Variants in PTK2 observed in about 807,000 individuals in gnomAD.
The protein encoded by PTK2 is focal adhesion kinase 1.
PTK2 carries 45 observed loss-of-function variants against 150.1 expected under a neutral mutation model. The observed-to-expected ratio is 0.30, with a 90% confidence interval of 0.24 to 0.38. The LOEUF is 0.38. PTK2 is among the 10% of genes least tolerant of loss of function. The pLI, the probability that PTK2 is intolerant of heterozygous loss-of-function variation, is 1.00. For synonymous variants in PTK2, 432 were observed against 449.2 expected, an observed-to-expected ratio of 0.96 and a Z score of 0.48; for missense variants, 919 against 1,307.3, an observed-to-expected ratio of 0.70 and a Z score of 4.58.
chr8:140,913,842 G>A (rs2100164161), intron 2 of PTK2, among the ~76,000 whole-genome samples: 1 of 152,136 alleles, frequency 6.6e-6, no homozygotes, highest in Admixed American at 6.5e-5. Context: ...CTTATAAACT[G>A]CTGAGACTTC....
chr8:140,852,041 AT>A (rs975193303), intron 5 of PTK2, among the ~76,000 whole-genome samples: 3 of 152,038 alleles, frequency 2.0e-5, no homozygotes, highest in African/African-American at 4.8e-5. Context: ...TATTTCTTGG[AT>A]TTTTTTCATG....
At chr8:140,863,455 C>T (rs1328508309) in intron 5 of PTK2, among the ~76,000 whole-genome samples, 1 of 152,178 alleles carries the variant, frequency 6.6e-6, no homozygotes, top group African/African-American at 2.4e-5. Flanking sequence ...ACCTAAACCC[C>T]TGTTTACATA....
chr8:140,862,700 C>T (rs2154605754), intron 5 of PTK2, among the ~76,000 whole-genome samples: 1 of 152,236 alleles, frequency 6.6e-6, no homozygotes, highest in African/African-American at 2.4e-5. Context: ...TAAGCAGTGG[C>T]ATAAGATTTT....
chr8:140,995,620 G>C (rs182890234), intron 1 of PTK2, among the ~76,000 whole-genome samples: 1 of 151,552 alleles, frequency 6.6e-6, no homozygotes, highest in Admixed American at 6.6e-5. Flanking sequence ...TGCGGAACAC[G>C]GCAAAACCCC....
At chr8:140,690,294 C>G (rs2100022370) in intron 26 of PTK2, among the ~76,000 whole-genome samples, 1 of 152,134 alleles carries the variant, frequency 6.6e-6, no homozygotes, top group Non-Finnish European at 1.5e-5. Context: ...ATCTGCCGCC[C>G]AGGTCAGAGT....
At chr8:140,827,549 G>C (rs975219300) in intron 8 of PTK2, among the ~76,000 whole-genome samples, 2 of 152,056 alleles carry the variant, frequency 1.3e-5, no homozygotes, top group Non-Finnish European at 2.9e-5. Context: ...TTTTAGGGGG[G>C]TGGGGATGGA....
intron 3 of PTK2, among the ~76,000 whole-genome samples, chr8:140,884,232 A>C (rs1172997373): frequency 6.6e-6 from 1 of 152,096 alleles, no homozygotes; most frequent in Non-Finnish European, 1.5e-5. Context: ...TCACTACCTC[A>C]ATCACTATCT....
intron 1 of PTK2, among the ~76,000 whole-genome samples, chr8:140,995,539 T>C (rs1170529691): frequency 6.6e-6 from 1 of 151,968 alleles, no homozygotes; most frequent in African/African-American, 2.4e-5. Flanking sequence ...GGCACAGTGG[T>C]GATGCCTGTA....
chr8:140,927,958 G>GAAAAAAAAAAAAAAAA (rs57931737), intron 1 of PTK2, among the ~76,000 whole-genome samples: 8 of 63,638 alleles, frequency 1.3e-4, no homozygotes, highest in Non-Finnish European at 1.3e-4. Context: ...AAAAAAAAAA[G>GAAAAAAAAAAAAAAAA]AAAAAAAAAA....
intron 1 of PTK2, among the ~76,000 whole-genome samples, chr8:140,958,597 G>A (rs1375511090): frequency 1.3e-5 from 2 of 152,148 alleles, no homozygotes; most frequent in Non-Finnish European, 2.9e-5. Context: ...CACTAGTCAC[G>A]TGCTAAGGAG....
At chr8:140,938,523 G>T (rs2100174516) in intron 1 of PTK2, among the ~76,000 whole-genome samples, 1 of 152,158 alleles carries the variant, frequency 6.6e-6, no homozygotes, top group Admixed American at 6.5e-5. Flanking sequence ...GCTCTAGACT[G>T]ATCACCCTGG....
chr8:140,669,301 GTATATATATATATATATATATATA>G (rs35271369), intron 29 of PTK2: 1,755 of 97,998 alleles, frequency 0.018, 75 homozygotes, highest in Non-Finnish European at 0.022. Context: ...GCATAAAATG[GTATATATATATATATATATATATA>G]TATATATATA....
intron 1 of PTK2, among the ~76,000 whole-genome samples, chr8:140,937,411 A>G (rs779763997): frequency 1.2e-4 from 19 of 152,140 alleles, no homozygotes; most frequent in Non-Finnish European, 1.9e-4. Flanking sequence ...TGAGAGAATG[A>G]AAGTTTATTT....
chr8:140,760,159 T>C (rs372481211), intron 16 of PTK2, among the ~76,000 whole-genome samples: 1 of 150,556 alleles, frequency 6.6e-6, no homozygotes, highest in Non-Finnish European at 1.5e-5. Flanking sequence ...AAGGCGGAGG[T>C]TGCAGTGAGC....
intron 23 of PTK2, among the ~76,000 whole-genome samples, chr8:140,706,917 C>A (rs1208250994): frequency 6.6e-6 from 1 of 152,096 alleles, no homozygotes; most frequent in Admixed American, 6.5e-5. Flanking sequence ...TTCTTAACAG[C>A]ATTATTCACA....
At position 140,675,066 on chromosome 8, in the gene PTK2, CA is replaced by C. The variant is rs57165594; in HGVS notation, c.2602+393del. Among the ~76,000 whole-genome samples the C allele has an allele frequency of 1.1e-3, 157 of 136,552 alleles. 2 individuals are homozygous for C. The highest frequency in any genetic ancestry group is 3.8e-3 in the Middle Eastern group (1 of 260). 89.6% of individuals were successfully genotyped at this position (136,552 alleles called of 152,430 possible). On this transcript the variant is annotated intron_variant, in intron 28 of 31. Coordinates refer to ENST00000522684, the Ensembl canonical transcript of PTK2. ...GGGTGACAGAGTGAGACTCTGTATC[CA>C]AAAAAAAAAAAAGGAAAGAGAAAGA...
At chr8:140,846,523 GA>G in intron 6 of PTK2, 75 bp downstream of exon 6, 1 of 1,301,406 alleles carries the variant, frequency 7.7e-7, no homozygotes, top group African/African-American at 1.5e-5. Context: ...TGAAGAAAAG[GA>G]AAATACCTGG....
chr8:140,697,464 G>A (rs1041767534), intron 26 of PTK2, among the ~76,000 whole-genome samples: 1 of 148,030 alleles, frequency 6.8e-6, no homozygotes, highest in Non-Finnish European at 1.5e-5. Flanking sequence ...GTTTTTAAAC[G>A]GAGTCTTGCT....
chr8:140,959,229 A>G (rs1262719054), intron 1 of PTK2, among the ~76,000 whole-genome samples: 9 of 152,108 alleles, frequency 5.9e-5, no homozygotes, highest in Admixed American at 5.2e-4. Context: ...ACACACACAT[A>G]TATTTTTTAA....
Sources: gnomAD v4.1 joint callset for allele counts (sites outside exome capture counted in the v4.1 genomes callset) on GRCh38, gnomAD v4.1.1 for gene constraint, MANE v1.5 for transcripts, NCBI Gene and HGNC (gene_info 2026-07-23, HGNC 2026-07-21) for gene names.